SMURF1: variants seen among roughly 807,000 people sequenced by gnomAD.
SMURF1 encodes the protein E3 ubiquitin-protein ligase SMURF1.
Under a neutral mutation model 98.0 loss-of-function variants are expected in SMURF1, and 44 were observed. The ratio of observed to expected loss-of-function variants is 0.45; its 90% CI spans 0.35 to 0.58. The LOEUF is 0.58. SMURF1 is among the 20% of genes least tolerant of loss of function. The pLI, the probability that SMURF1 is intolerant of heterozygous loss-of-function variation, is 0.00. For synonymous variants in SMURF1, 396 were observed against 374.9 expected, an observed-to-expected ratio of 1.06 and a Z score of -0.65; for missense variants, 687 against 938.4, an observed-to-expected ratio of 0.73 and a Z score of 3.50.
intron 13 of SMURF1, among the ~76,000 whole-genome samples, chr7:99,039,216 A>C (rs1488748134): frequency 6.7e-6 from 1 of 148,322 alleles, no homozygotes; most frequent in Non-Finnish European, 1.5e-5. Flanking sequence ...AAAAAAAAAA[A>C]AAAATACTGT....
At chr7:99,078,145 CA>C (rs1038377804) in intron 1 of SMURF1, among the ~76,000 whole-genome samples, 1 of 151,896 alleles carries the variant, frequency 6.6e-6, no homozygotes, top group Non-Finnish European at 1.5e-5. Context: ...ACTAGAAATA[CA>C]AAAAAATTAG....
intron 1 of SMURF1, among the ~76,000 whole-genome samples, chr7:99,102,305 A>T (rs1797101341): frequency 6.6e-6 from 1 of 152,214 alleles, no homozygotes; most frequent in African/African-American, 2.4e-5. Flanking sequence ...GAGTTTTGAA[A>T]GAGAATTTAT....
At chr7:99,126,146 A>G (rs945359184) in intron 1 of SMURF1, among the ~76,000 whole-genome samples, 1 of 152,142 alleles carries the variant, frequency 6.6e-6, no homozygotes, top group African/African-American at 2.4e-5. Context: ...AGTCTTTTTC[A>G]ATACTCCTCT....
intron 1 of SMURF1, among the ~76,000 whole-genome samples, chr7:99,100,976 A>T (rs1797064960): frequency 6.6e-6 from 1 of 152,206 alleles, no homozygotes. Context: ...TGATTTTGAG[A>T]CTTTTCTTAA....
chr7:99,109,312 G>A (rs970461632), intron 1 of SMURF1, among the ~76,000 whole-genome samples: 1 of 152,192 alleles, frequency 6.6e-6, no homozygotes, highest in Non-Finnish European at 1.5e-5. Flanking sequence ...CTTAGCCCCA[G>A]GTTGTCCTCA....
At position 99,133,649 on chromosome 7, in the gene SMURF1, T is replaced by C. The variant is rs117529047; in HGVS notation, c.55+10077A>G. Among the ~76,000 whole-genome samples, 612 of 152,298 alleles carry C rather than the reference T, an allele frequency of 4.0e-3. 7 individuals carry two copies. The highest frequency in any genetic ancestry group is 4.2e-3 in the Non-Finnish European group (287 of 68,022). On this transcript the variant is annotated intron_variant, in intron 1 of 17. Transcript: ENST00000361368. ...TGCCTATTCCACAGTCCAGTGACTC[T>C]ACTCCTGAGTATACACCCAACAGAA...
At chr7:99,079,133 T>C (rs1796526641) in intron 1 of SMURF1, among the ~76,000 whole-genome samples, 1 of 152,224 alleles carries the variant, frequency 6.6e-6, no homozygotes, top group Non-Finnish European at 1.5e-5. Flanking sequence ...GCCGGGAAGC[T>C]GAGGCCCAGA....
intron 17 of SMURF1, 63 bp downstream of exon 17, chr7:99,032,974 A>C (rs1378295231): frequency 5.2e-6 from 8 of 1,530,880 alleles, no homozygotes; most frequent in East Asian, 2.3e-5. Context: ...CAAAAAAAAA[A>C]CGTGAACGTC....
chr7:99,101,207 C>CA (rs907306143), intron 1 of SMURF1, among the ~76,000 whole-genome samples: 1 of 152,032 alleles, frequency 6.6e-6, no homozygotes, highest in African/African-American at 2.4e-5. Context: ...CCCATCTCTA[C>CA]AAAAAAATAC....
intron 1 of SMURF1, among the ~76,000 whole-genome samples, chr7:99,085,882 C>CA (rs1796668869): frequency 1.3e-5 from 2 of 152,258 alleles, no homozygotes; most frequent in South Asian, 4.1e-4. Flanking sequence ...CTTTCACTTA[C>CA]AATTCTTACA....
At chr7:99,052,534 G>A (rs1275797648) in intron 6 of SMURF1, 88 bp from the exon 7 acceptor site, 3 of 1,286,336 alleles carry the variant, frequency 2.3e-6, no homozygotes, top group Non-Finnish European at 3.0e-6. Context: ...AGGGGACACC[G>A]TCACATAAAT....
intron 1 of SMURF1, among the ~76,000 whole-genome samples, chr7:99,140,743 GCT>G (rs1187921163): frequency 6.6e-6 from 1 of 151,688 alleles, no homozygotes; most frequent in East Asian, 1.9e-4. Flanking sequence ...ACTGAATTTC[GCT>G]CTGTGTCTAT....
At position 99,059,402 on chromosome 7, in the gene SMURF1, A is replaced by AAAAATAAAATAAAAT. The variant is rs59050463; in HGVS notation, c.203+1182_203+1196dup. On this transcript the variant is annotated intron_variant, in intron 3 of 17. Transcript: ENST00000361368. ...GACAGAGCAAGACTCCATCTCAAAA[A>AAAAATAAAATAAAAT]AAAATAAAATAAAATAAAATAAAAT... is the stretch of plus-strand genomic sequence containing the variant. 3.2e-3 allele frequency among the ~76,000 whole-genome samples: 249 copies of AAAAATAAAATAAAAT among 77,438 alleles called. 1 individual carries two copies. Among genetic ancestry groups the AAAAATAAAATAAAAT allele is most frequent in the South Asian group, 4.4e-3 (8 of 1,836 alleles). 50.8% of individuals were successfully genotyped at this position (77,438 alleles called of 152,430 possible).
At chr7:99,113,195 A>C (rs1293546904) in intron 1 of SMURF1, among the ~76,000 whole-genome samples, 1 of 152,190 alleles carries the variant, frequency 6.6e-6, no homozygotes, top group Non-Finnish European at 1.5e-5. Flanking sequence ...TAAGTAAGAT[A>C]AATTCAAAGG....
intron 6 of SMURF1, among the ~76,000 whole-genome samples, chr7:99,053,459 G>A (rs1045947311): frequency 1.2e-4 from 18 of 151,990 alleles, no homozygotes; most frequent in Non-Finnish European, 2.4e-4. Flanking sequence ...TCAAATACCG[G>A]TGTTCAGATT....
At chr7:99,084,811 G>A (rs1049572308) in intron 1 of SMURF1, among the ~76,000 whole-genome samples, 5 of 152,102 alleles carry the variant, frequency 3.3e-5, no homozygotes, top group East Asian at 1.9e-4. Flanking sequence ...GGGTCCCCCC[G>A]CAAATCTCAT....
At chr7:99,041,288 G>C (rs1356346630) in intron 12 of SMURF1, among the ~76,000 whole-genome samples, 1 of 152,118 alleles carries the variant, frequency 6.6e-6, no homozygotes, top group Non-Finnish European at 1.5e-5. Flanking sequence ...TGTGATCCCA[G>C]CTACTCGGGA....
intron 13 of SMURF1, 139 bp from the exon 14 acceptor site, chr7:99,038,664 G>T: frequency 1.1e-6 from 1 of 901,952 alleles, no homozygotes; most frequent in Non-Finnish European, 1.6e-6. Flanking sequence ...ACCTGCGTGG[G>T]GGTGGCACAG....
intron 1 of SMURF1, among the ~76,000 whole-genome samples, chr7:99,073,260 T>C (rs1339433244): frequency 3.3e-5 from 5 of 150,456 alleles, no homozygotes; most frequent in African/African-American, 1.2e-4. Context: ...GCACCTGTAA[T>C]CCCAGCTACT....
Sources: gnomAD v4.1 joint callset for allele counts (sites outside exome capture counted in the v4.1 genomes callset) on GRCh38, gnomAD v4.1.1 for gene constraint, MANE v1.5 for transcripts, NCBI Gene and HGNC (gene_info 2026-07-23, HGNC 2026-07-21) for gene names.